The following ZFHX3 variants were observed in gnomAD, a reference collection of about 807,000 sequenced individuals.
The protein encoded by ZFHX3 is zinc finger homeobox protein 3.
Under a neutral mutation model 279.1 loss-of-function variants are expected in ZFHX3, and 42 were observed. That is an observed-to-expected ratio of 0.15 (90% CI 0.12 to 0.19). The LOEUF is 0.19. ZFHX3 is among the 10% of genes least tolerant of loss of function. The pLI is 1.00. For synonymous variants in ZFHX3, 2,293 were observed against 1,957.8 expected (o/e 1.17, Z -4.52); for missense variants, 4,981 against 4,754.0 (o/e 1.05, Z -1.40).
intron 8 of ZFHX3, among the ~76,000 whole-genome samples, chr16:73,082,229 A>G (rs1965956100): frequency 6.6e-6 from 1 of 151,886 alleles, no homozygotes; most frequent in Non-Finnish European, 1.5e-5. Context: ...GGTAACTAGC[A>G]CAAGATCCTA....
intron 5 of ZFHX3, among the ~76,000 whole-genome samples, chr16:73,238,966 C>A (rs1192086945): frequency 6.6e-6 from 1 of 152,114 alleles, no homozygotes; most frequent in Non-Finnish European, 1.5e-5. Flanking sequence ...ACTGCAAGAC[C>A]CTATTCCTGC....
chr16:73,108,295 C>T (rs1180460224), intron 7 of ZFHX3, among the ~76,000 whole-genome samples: 2 of 151,190 alleles, frequency 1.3e-5, no homozygotes, highest in Admixed American at 1.3e-4. Flanking sequence ...GATCATGCCA[C>T]TGCACTTCAG....
intron 4 of ZFHX3, among the ~76,000 whole-genome samples, chr16:72,863,797 G>T (rs1463398351): frequency 6.6e-6 from 1 of 152,020 alleles, no homozygotes; most frequent in Non-Finnish European, 1.5e-5. Flanking sequence ...TGCTCTACTT[G>T]TGGATATGTT....
chr16:73,321,777 T>G (rs1445029567), intron 3 of ZFHX3, among the ~76,000 whole-genome samples: 1 of 152,148 alleles, frequency 6.6e-6, no homozygotes, highest in African/African-American at 2.4e-5. Context: ...AAACACCAGC[T>G]TTGTCCCTCT....
intron 1 of ZFHX3, among the ~76,000 whole-genome samples, chr16:73,803,412 A>G (rs328391): frequency 0.17 from 26,199 of 152,156 alleles, 6,693 homozygotes; most frequent in African/African-American, 0.56. Flanking sequence ...AAAATACTCC[A>G]ATATATTACT....
intron 3 of ZFHX3, among the ~76,000 whole-genome samples, chr16:72,930,536 A>T (rs1244905139): frequency 6.6e-6 from 1 of 152,204 alleles, no homozygotes; most frequent in Non-Finnish European, 1.5e-5. Flanking sequence ...AATGATCTGA[A>T]CACAACCCGC....
chr16:73,718,813 G>A (rs1421791403), intron 1 of ZFHX3, among the ~76,000 whole-genome samples: 1 of 151,608 alleles, frequency 6.6e-6, no homozygotes, highest in East Asian at 2.0e-4. Flanking sequence ...ACGGGGTTTC[G>A]CCATATTGGC....
At chr16:73,510,817 C>G (rs1212772855) in intron 2 of ZFHX3, among the ~76,000 whole-genome samples, 1 of 152,236 alleles carries the variant, frequency 6.6e-6, no homozygotes, top group African/African-American at 2.4e-5. Flanking sequence ...CAACTTCTCC[C>G]TAAGTCCACA....
chr16:73,079,018 C>A (rs1436941285), intron 8 of ZFHX3, among the ~76,000 whole-genome samples: 1 of 152,078 alleles, frequency 6.6e-6, no homozygotes, highest in Non-Finnish European at 1.5e-5. Flanking sequence ...CCTTTTACCA[C>A]CTCCTCTTTT....
chr16:73,830,409 T>A (rs1316770450), intron 1 of ZFHX3, among the ~76,000 whole-genome samples: 1 of 152,104 alleles, frequency 6.6e-6, no homozygotes, highest in Admixed American at 6.6e-5. Context: ...CTGTTCCTAT[T>A]CGGCCATCTT....
intron 7 of ZFHX3, among the ~76,000 whole-genome samples, chr16:73,109,086 G>C (rs1597159868): frequency 6.6e-6 from 1 of 152,264 alleles, no homozygotes; most frequent in African/African-American, 2.4e-5. Context: ...GAGGACTTGA[G>C]AGATGGAGCT....
At chr16:73,770,721 A>G (rs1280954612) in intron 1 of ZFHX3, among the ~76,000 whole-genome samples, 2 of 152,204 alleles carry the variant, frequency 1.3e-5, no homozygotes, top group Non-Finnish European at 2.9e-5. Context: ...GACATCTCCA[A>G]TGAATTGTCT....
chr16:73,052,570 G>C (rs182048776), upstream of ZFHX3, among the ~76,000 whole-genome samples: 3 of 152,228 alleles, frequency 2.0e-5, no homozygotes, highest in East Asian at 5.8e-4. Flanking sequence ...TATCCTCCAA[G>C]TCAGCCAGTG....
intron 8 of ZFHX3, among the ~76,000 whole-genome samples, chr16:73,074,460 C>G (rs78433374): frequency 6.6e-6 from 1 of 152,150 alleles, no homozygotes; most frequent in Admixed American, 6.5e-5. Context: ...ACGGATGACC[C>G]GCTTGCTTCC....
chr16:73,506,166 G>A (rs72801420), intron 2 of ZFHX3, among the ~76,000 whole-genome samples: 69 of 152,300 alleles, frequency 4.5e-4, no homozygotes, highest in Admixed American at 7.8e-4. Context: ...ACTAGATCTT[G>A]CAGTCTCCTA....
Position 72,793,232 on chromosome 16 carries a change from C to A in ZFHX3, c.9427+23G>T. 2 of 1,580,808 alleles carry A rather than the reference C, an allele frequency of 1.3e-6. No homozygotes were observed. The highest frequency in any genetic ancestry group is 8.6e-7 in the Non-Finnish European group (1 of 1,163,872). ...ACTGGGCAGCTATTTAGCCCTGAAA[C>A]AATCGCCTAGAGCAGAACCCACCTG... On this transcript the variant is annotated intron_variant, in intron 9 of 9. Transcript: ENST00000268489. The surrounding 1 kb of genome is among the most constrained non-coding windows in gnomAD (Gnocchi z 4.3).
rs138623764 is a variant in ZFHX3 at position 73,536,921 on chromosome 16, A to G, written c.-1546-80663T>C. On this transcript the variant is annotated intron_variant, in intron 2 of 17. Transcript: ENST00000641206. ...AGATGTATTTGCATAGGTTAATTCA[A>G]TGACATTCTTTATTAAAAAAAAAGA... 2.8e-4 allele frequency among the ~76,000 whole-genome samples: 42 copies of G among 152,268 alleles called. No individual in the cohort carries two copies. The Middle Eastern group carries it at 0.014, about 49-fold the overall frequency.
chr16:73,485,437 A>AG (rs1555520113), intron 2 of ZFHX3, among the ~76,000 whole-genome samples: 1 of 111,112 alleles, frequency 9.0e-6, no homozygotes, highest in Non-Finnish European at 1.7e-5. Flanking sequence ...AAAAAAAAAA[A>AG]AAAAAAAAAA....
chr16:72,942,688 C>T (rs1227001418), intron 3 of ZFHX3, among the ~76,000 whole-genome samples: 2 of 152,164 alleles, frequency 1.3e-5, no homozygotes, highest in Non-Finnish European at 2.9e-5. Flanking sequence ...ATGCTATTTA[C>T]GTAAGAACTT....
Sources: allele counts gnomAD v4.1 joint callset (sites outside exome capture counted in the v4.1 genomes callset), GRCh38; gene constraint gnomAD v4.1.1; non-coding constraint Gnocchi (gnomAD v3.1); transcripts MANE v1.5; gene names NCBI Gene and HGNC (gene_info 2026-07-23, HGNC 2026-07-21).